CDK14: variants seen among roughly 807,000 people sequenced by gnomAD.
CDK14 encodes cyclin-dependent kinase 14.
A neutral mutation model predicts 60.7 loss-of-function variants in CDK14; 34 were observed. The observed-to-expected ratio is 0.56, with a 90% CI of 0.43 to 0.75. The LOEUF is 0.75. Ranked by LOEUF, CDK14 falls within the 30% of genes least tolerant of loss-of-function variation. The pLI, the probability that CDK14 is intolerant of heterozygous loss-of-function variation, is 0.00. For missense variants in CDK14, 482 were observed against 564.1 expected (o/e 0.85, Z 1.47); for synonymous variants, 197 against 203.7 (o/e 0.97, Z 0.28).
At chr7:91,024,463 C>T (rs899229193) in intron 10 of CDK14, among the ~76,000 whole-genome samples, 1 of 152,136 alleles carries the variant, frequency 6.6e-6, no homozygotes, top group Non-Finnish European at 1.5e-5. Context: ...ACCAGCCTGG[C>T]CAACATAGAG....
In CDK14 at chr7:90,680,466, G is replaced by T. The variant is rs115092337; in HGVS notation, c.124-46101G>T. ...TCATTGATTGGAGAAATAAAATATA[G>T]CATGAATAATAAATTTAAAGTCATG... On this transcript the variant is annotated intron_variant, in intron 2 of 14. Coordinates refer to ENST00000380050, the MANE Select transcript of CDK14 (RefSeq NM_001287135.2). 3.6e-3 allele frequency among the ~76,000 whole-genome samples: 552 copies of T among 152,248 alleles called. 9 individuals carry two copies. Among genetic ancestry groups the T allele is most frequent in the African/African-American group, 0.013 (532 of 41,556 alleles).
At chr7:90,939,546 T>C (rs1562836536) in intron 8 of CDK14, among the ~76,000 whole-genome samples, 2 of 152,226 alleles carry the variant, frequency 1.3e-5, no homozygotes, top group African/African-American at 4.8e-5. Context: ...TTCATTTGTA[T>C]TGGTTATTAG....
At chr7:90,941,003 A>C (rs7778348) in intron 8 of CDK14, among the ~76,000 whole-genome samples, 51,235 of 152,056 alleles carry the variant, frequency 0.34, 9,031 homozygotes, top group East Asian at 0.49. Flanking sequence ...GGGGGCTTTC[A>C]ACAATCAGAC....
chr7:90,688,637 G>GA (rs984581108), intron 2 of CDK14, among the ~76,000 whole-genome samples: 4 of 152,048 alleles, frequency 2.6e-5, no homozygotes, highest in African/African-American at 7.2e-5. Flanking sequence ...AAGTAAACTA[G>GA]AAAAGATATT....
chr7:91,046,939 T>C (rs1322422474), intron 11 of CDK14, among the ~76,000 whole-genome samples: 1 of 152,212 alleles, frequency 6.6e-6, no homozygotes, highest in Non-Finnish European at 1.5e-5. Context: ...TTACTCTTAA[T>C]ATTTTTCTTC....
chr7:90,835,748 CAG>C (rs1790074218), intron 5 of CDK14, among the ~76,000 whole-genome samples: 1 of 152,126 alleles, frequency 6.6e-6, no homozygotes, highest in African/African-American at 2.4e-5. Flanking sequence ...CACTTAATAA[CAG>C]AGTGCATTCT....
chr7:90,746,585 A>G (rs1015116063), intron 3 of CDK14, among the ~76,000 whole-genome samples: 3 of 152,230 alleles, frequency 2.0e-5, no homozygotes, highest in African/African-American at 7.2e-5. Context: ...ATCATTTTCT[A>G]ATATGCTTTG....
At chr7:91,110,100 T>C (rs1047624455) in intron 12 of CDK14, among the ~76,000 whole-genome samples, 4 of 152,092 alleles carry the variant, frequency 2.6e-5, no homozygotes, top group Non-Finnish European at 4.4e-5. Flanking sequence ...ATATCATACA[T>C]GGATTCCCAA....
intron 11 of CDK14, among the ~76,000 whole-genome samples, chr7:91,047,396 A>G (rs1163099426): frequency 6.6e-6 from 1 of 152,250 alleles, no homozygotes; most frequent in Non-Finnish European, 1.5e-5. Context: ...CATCAACAAC[A>G]TACAAAAGCA....
chr7:90,642,736 G>C (rs776266419), intron 2 of CDK14, among the ~76,000 whole-genome samples: 10 of 151,994 alleles, frequency 6.6e-5, no homozygotes, highest in Admixed American at 3.3e-4. Flanking sequence ...TTTCTGAAGG[G>C]TTGAACCAAT....
chr7:90,786,961 T>C (rs562645414), intron 4 of CDK14, among the ~76,000 whole-genome samples: 12 of 150,360 alleles, frequency 8.0e-5, no homozygotes, highest in Middle Eastern at 3.4e-3. Flanking sequence ...AAAATATACA[T>C]GAACAAAAGG....
intron 14 of CDK14, among the ~76,000 whole-genome samples, chr7:91,120,967 T>G (rs1053350327): frequency 1.3e-5 from 2 of 152,218 alleles, no homozygotes; most frequent in African/African-American, 4.8e-5. Context: ...TCTAAGAGTT[T>G]TCTGTCAGTC....
chr7:90,716,512 T>A (rs1172122878), intron 2 of CDK14: 1 of 152,088 alleles, frequency 6.6e-6, no homozygotes, highest in Non-Finnish European at 1.5e-5. Flanking sequence ...TAGAGACACA[T>A]ACATCTATAA....
At chr7:90,999,575 C>G (rs7808350) in intron 10 of CDK14, among the ~76,000 whole-genome samples, 2 of 151,802 alleles carry the variant, frequency 1.3e-5, no homozygotes, top group Admixed American at 6.6e-5. Context: ...GGTGACAGAG[C>G]GAGACTCTGT....
intron 11 of CDK14, among the ~76,000 whole-genome samples, chr7:91,063,194 T>C (rs1435962095): frequency 6.6e-6 from 1 of 152,214 alleles, no homozygotes; most frequent in East Asian, 1.9e-4. Flanking sequence ...AGTTCATTTT[T>C]TGCTGTTTAA....
intron 2 of CDK14, among the ~76,000 whole-genome samples, chr7:90,723,597 T>C (rs2116696895): frequency 1.3e-5 from 2 of 152,304 alleles, no homozygotes; most frequent in South Asian, 4.1e-4. Flanking sequence ...ATTTTTGCCA[T>C]ATTATATTTA....
chr7:90,922,042 G>C (rs1240251372), intron 8 of CDK14, among the ~76,000 whole-genome samples: 3 of 152,154 alleles, frequency 2.0e-5, no homozygotes, highest in Non-Finnish European at 4.4e-5. Context: ...CAGATGCAGA[G>C]TAGTGTGTCT....
intron 2 of CDK14, among the ~76,000 whole-genome samples, chr7:90,649,359 TCCTTC>T (rs1800561810): frequency 4.7e-5 from 2 of 42,906 alleles, no homozygotes; most frequent in Admixed American, 3.3e-4. Flanking sequence ...CTTCCTTCCT[TCCTTC>T]CTTTCCTTCC....
intron 3 of CDK14, among the ~76,000 whole-genome samples, chr7:90,740,684 T>A (rs956348470): frequency 1.3e-5 from 2 of 152,202 alleles, no homozygotes; most frequent in Admixed American, 6.5e-5. Context: ...TGTGATGTTT[T>A]GTTATGACAC....
Sources: allele counts gnomAD v4.1 joint callset (sites outside exome capture counted in the v4.1 genomes callset), GRCh38; gene constraint gnomAD v4.1.1; transcripts MANE v1.5; gene names NCBI Gene and HGNC (gene_info 2026-07-23, HGNC 2026-07-21).